SLC7A6: variants seen among roughly 807,000 people sequenced by gnomAD.
The protein encoded by SLC7A6 is solute carrier family 7 member 6.
Under a neutral mutation model 46.6 loss-of-function variants are expected in SLC7A6, and 29 were observed. That is an observed-to-expected ratio of 0.62 (90% CI 0.46 to 0.85). The LOEUF (loss-of-function observed/expected upper bound fraction) is 0.85, where lower values mean the gene tolerates loss of function less well. Among genes scored for constraint, SLC7A6 ranks in the 40% least tolerant of loss-of-function variants. The pLI is 0.00. For synonymous variants in SLC7A6, 276 were observed against 257.3 expected, an observed-to-expected ratio of 1.07 and a Z score of -0.70; for missense variants, 527 against 647.6, an observed-to-expected ratio of 0.81 and a Z score of 2.02.
At position 68,297,434 on chromosome 16, in the gene SLC7A6, C is replaced by G. The variant is rs2043192799; in HGVS notation, c.*106C>G. The G allele has an allele frequency of 1.1e-6, 1 of 921,834 alleles. No homozygotes were observed. Among genetic ancestry groups the G allele is most frequent in the Non-Finnish European group, 1.7e-6 (1 of 599,640 alleles). The allele number at this position is 921,834 out of a possible 1,614,324, so 57.1% of individuals were successfully genotyped here. ...TCCTGAATTAAAGGAGCCTTTTGACCCAATCATATAGTGGGGCTCAGGGCC... is the reference window on the plus strand; with the variant it reads ...TCCTGAATTAAAGGAGCCTTTTGACGCAATCATATAGTGGGGCTCAGGGCC... On this transcript the variant is annotated 3_prime_UTR_variant, in exon 11 of 11. Coordinates refer to ENST00000219343, the MANE Select transcript of SLC7A6 (RefSeq NM_003983.6).
chr16:68,294,536 G>T (rs55710496), intron 7 of SLC7A6, 169 bp from the exon 8 acceptor site: 36 of 600,106 alleles, frequency 6.0e-5, no homozygotes, highest in African/African-American at 2.4e-4. Flanking sequence ...TGTAGGGAAG[G>T]GGGGAGCAGG....
rs750609734 is a variant in SLC7A6, at chr16:68,294,845, T to C, written c.1119+44T>C. 1.3e-5 allele frequency: 17 copies of C among 1,325,254 alleles called. No individual in the cohort carries two copies. The East Asian group carries it at 3.9e-4, about 31-fold the overall frequency. The allele number at this position is 1,325,254 out of a possible 1,614,324, so 82.1% of individuals were successfully genotyped here. The stretch of plus-strand genomic sequence containing the variant: ...ACGGGGCTCAGGTGGATCTGTGCAT[T>C]GCTCCTTCTGATTTGTGCTAAGTTG... On this transcript the variant is annotated intron_variant, in intron 8 of 10. Coordinates refer to ENST00000219343, the MANE Select transcript of SLC7A6 (RefSeq NM_003983.6).
chr16:68,301,325 C>T lies in SLC7A6; in HGVS notation c.*3997C>T, dbSNP rs915950236. ...CTGTCATAGCCGAACTCCTTCTGCA[C>T]ATCCAGAGGGTACTTGCTCCACATC... On this transcript the variant is annotated 3_prime_UTR_variant, in exon 11 of 11. Transcript: ENST00000219343. 6.2e-7 allele frequency: 1 copy of T among 1,614,186 alleles called. No individual in the cohort carries two copies. The highest frequency in any genetic ancestry group is 8.5e-7 in the Non-Finnish European group (1 of 1,180,028).
At position 68,291,889 on chromosome 16, in the gene SLC7A6, T is replaced by G. The variant is rs1237847224; in HGVS notation, c.1022+228T>G. ...TTCCATCTGAGGTGAGGACAGATTG[T>G]GTGCTGATAGCTCATGTTATGTGTT... On this transcript the variant is annotated intron_variant, in intron 7 of 10. Transcript: ENST00000219343. 4 of 521,674 alleles carry G rather than the reference T, an allele frequency of 7.7e-6. No individual in the cohort carries two copies. In the East Asian group the frequency reaches 9.5e-5, roughly 12 times the overall value. 32.3% of individuals were successfully genotyped at this position (521,674 alleles called of 1,614,324 possible). A position where few individuals can be genotyped will look rare whatever the true frequency, so the allele number is the denominator to read the frequency against.
In SLC7A6 at chr16:68,275,172, A is replaced by T; in HGVS notation, c.446A>T (p.Asn149Ile). Reference sequence around the variant, plus strand: ...GCCATCATCGCCATCACCTTTGCCAACTACATCATCCAGCCGTCCTTCCCC... The same window carrying T: ...GCCATCATCGCCATCACCTTTGCCATCTACATCATCCAGCCGTCCTTCCCC... The part of the protein sequence containing the change: ...GQAIIAITFA[N>I]YIIQPSFPSC... Residue 149 changes from asparagine (N) to isoleucine (I), a missense_variant, in exon 3 of 11, where the codon AAC becomes ATC. By Grantham distance (149) the Asn-to-Ile change is moderately radical. Coordinates refer to ENST00000219343, the MANE Select transcript of SLC7A6 (RefSeq NM_003983.6). 1 of 1,613,510 alleles carries T rather than the reference A, an allele frequency of 6.2e-7. No individual in the cohort carries two copies. Among genetic ancestry groups the T allele is most frequent in the Non-Finnish European group, 8.5e-7 (1 of 1,179,984 alleles).
At position 68,297,281 on chromosome 16, in the gene SLC7A6, G is replaced by A. The variant is rs751163038; in HGVS notation, c.1501G>A (p.Glu501Lys). ...TQQLCFCVLT[E>K]LDVAEEKKDE... is the part of the protein sequence containing the mutation. ...GCAGCTTTGCTTTTGTGTCCTGACT[G>A]AGCTTGATGTAGCCGAAGAAAAAAA... The change falls in exon 11 of 11, where the codon GAG (glutamate) becomes AAG (lysine). Residue 501 changes from glutamate (E) to lysine (K), a missense_variant. Coordinates refer to ENST00000219343, the MANE Select transcript of SLC7A6 (RefSeq NM_003983.6). 1.2e-6 allele frequency: 2 copies of A among 1,614,020 alleles called. No individual in the cohort carries two copies. Among genetic ancestry groups the A allele is most frequent in the African/African-American group, 2.7e-5 (2 of 74,910 alleles).
At chr16:68,278,198 G>A (rs1419849874) in intron 3 of SLC7A6, among the ~76,000 whole-genome samples, 1 of 149,962 alleles carries the variant, frequency 6.7e-6, no homozygotes, top group Admixed American at 6.6e-5. Context: ...CTCGTGATCC[G>A]CCTGCTTTGG....
chr16:68,274,813 C>T lies in SLC7A6; in HGVS notation c.87C>T (p.Ser29=). ...TSQSQVEEDV[S]SPPQRSSETM... is the part of the protein sequence containing the mutation. ...AGTCCCAGGTGGAAGAAGATGTCAG[C>T]TCGCCACCTCAAAGGTCCTCCGAAA... The change falls in exon 3 of 11, where the codon AGC becomes AGT. Residue 29 remains serine (S), a synonymous_variant. Transcript: ENST00000219343. The T allele has an allele frequency of 1.9e-6, 3 of 1,614,228 alleles. No individual in the cohort carries two copies. The highest frequency in any genetic ancestry group is 2.5e-6 in the Non-Finnish European group (3 of 1,180,050).
rs1170388621 is a variant in SLC7A6, at chr16:68,299,667, GCA to G, written c.*2342_*2343del. 1 of 152,182 alleles carries G rather than the reference GCA, an allele frequency of 6.6e-6. No individual in the cohort carries two copies. The highest frequency in any genetic ancestry group is 1.5e-5 in the Non-Finnish European group (1 of 68,046). The allele number at this position is 152,182 out of a possible 1,614,324, so 9.4% of individuals were successfully genotyped here. On this transcript the variant is annotated 3_prime_UTR_variant, in exon 11 of 11. Transcript: ENST00000219343. The stretch of plus-strand genomic sequence containing the variant: ...AAATAGCAGGGAGCACATTGTAACA[GCA>G]CAGTGTTTTGTTTTTTTCACCCGGT...
chr16:68,289,759 G>T (rs975804996), intron 4 of SLC7A6, among the ~76,000 whole-genome samples: 1 of 152,138 alleles, frequency 6.6e-6, no homozygotes, highest in African/African-American at 2.4e-5. Context: ...CCGGAGGGTG[G>T]GGGTGGCTCA....
chr16:68,300,415 CTGT>C lies in SLC7A6; in HGVS notation c.*3090_*3092del, dbSNP rs2043249355. 1 of 158,622 alleles carries C rather than the reference CTGT, an allele frequency of 6.3e-6. No homozygotes were observed. Among genetic ancestry groups the C allele is most frequent in the African/African-American group, 2.4e-5 (1 of 41,530 alleles). 9.8% of individuals were successfully genotyped at this position (158,622 alleles called of 1,614,324 possible). A position where few individuals can be genotyped will look rare whatever the true frequency, so the allele number is the denominator to read the frequency against. On this transcript the variant is annotated 3_prime_UTR_variant, in exon 11 of 11. Coordinates refer to ENST00000219343, the MANE Select transcript of SLC7A6 (RefSeq NM_003983.6). Reference sequence around the variant, plus strand: ...ATACAAGTTGTTAATAAAATTGATCCTGTTGATAGTAGTTTGTTTTTGTGGTGG... The same window carrying C: ...ATACAAGTTGTTAATAAAATTGATCCTGATAGTAGTTTGTTTTTGTGGTGG...
In SLC7A6 at chr16:68,275,050, G is replaced by A. The variant is rs200109087; in HGVS notation, c.324G>A (p.Ser108=). ...YAELGTTITK[S]GASYAYILEA... is the part of the protein sequence containing the mutation. ...AGCTGGGGACCACCATCACCAAGTCGGGAGCCAGCTACGCTTATATTCTAG... is the reference window on the plus strand; with the variant it reads ...AGCTGGGGACCACCATCACCAAGTCAGGAGCCAGCTACGCTTATATTCTAG... The change falls in exon 3 of 11, where the codon TCG becomes TCA. Residue 108 remains serine (S), a synonymous_variant. Transcript: ENST00000219343. 23 of 1,614,176 alleles carry A rather than the reference G, an allele frequency of 1.4e-5. No individual in the cohort carries two copies. The highest frequency in any genetic ancestry group is 1.5e-5 in the Non-Finnish European group (18 of 1,180,032).
At chr16:68,296,982 T>A (rs999511357) in intron 10 of SLC7A6, among the ~76,000 whole-genome samples, 172 bp downstream of exon 10, 1 of 152,204 alleles carries the variant, frequency 6.6e-6, no homozygotes, top group Admixed American at 6.6e-5. Flanking sequence ...CTAATTTTAG[T>A]GTCCTATTTT....
rs756774652 is a variant in SLC7A6 at position 68,297,283 on chromosome 16, G to C, written c.1503G>C (p.Glu501Asp). The C allele has an allele frequency of 2.2e-5, 35 of 1,614,070 alleles. No individual in the cohort carries two copies. The highest frequency in any genetic ancestry group is 2.7e-5 in the African/African-American group (2 of 74,924). ...TQQLCFCVLT[E>D]LDVAEEKKDE... ...AGCTTTGCTTTTGTGTCCTGACTGA[G>C]CTTGATGTAGCCGAAGAAAAAAAGG... Residue 501 changes from glutamate to aspartate, a missense_variant, in exon 11 of 11, where the codon GAG becomes GAC. Glu to Asp is a conservative substitution (Grantham distance 45). Coordinates refer to ENST00000219343, the MANE Select transcript of SLC7A6 (RefSeq NM_003983.6).
Position 68,274,742 on chromosome 16 carries a change from C to A in SLC7A6, c.16C>A (p.Pro6Thr), listed in dbSNP as rs1394043445. 4.3e-6 allele frequency: 7 copies of A among 1,614,070 alleles called. No homozygotes were observed. Among genetic ancestry groups the A allele is most frequent in the South Asian group, 3.3e-5 (3 of 91,084 alleles). Reference sequence around the variant, plus strand: ...ACCGTTTGTCATGGAAGCCAGGGAGCCTGGGAGGCCCACACCCACCTACCA... The same window carrying A: ...ACCGTTTGTCATGGAAGCCAGGGAGACTGGGAGGCCCACACCCACCTACCA... MEARE[P>T]GRPTPTYHLV... Residue 6 changes from proline (P) to threonine (T), a missense_variant, in exon 3 of 11, where the codon CCT becomes ACT. By Grantham distance (38) the Pro-to-Thr change is conservative. Coordinates refer to ENST00000219343, the MANE Select transcript of SLC7A6 (RefSeq NM_003983.6).
At chr16:68,280,078 G>A (rs745903762) in intron 3 of SLC7A6, among the ~76,000 whole-genome samples, 2 of 152,256 alleles carry the variant, frequency 1.3e-5, no homozygotes, top group Non-Finnish European at 2.9e-5. Context: ...TTTCAACAGA[G>A]CTAGGATATG....
chr16:68,294,786 T>G lies in SLC7A6; in HGVS notation c.1104T>G (p.Pro368=). 1.2e-6 allele frequency: 2 copies of G among 1,613,410 alleles called. No individual in the cohort carries two copies. Among genetic ancestry groups the G allele is most frequent in the Non-Finnish European group, 8.5e-7 (1 of 1,179,316 alleles). ...MIHIERFTPI[P]ALLFNCTMAL... ...ACATTGAGCGTTTTACACCTATCCC[T>G]GCTTTACTGTTCAATGTAAGCTTTG... is the stretch of plus-strand genomic sequence containing the variant. The change falls in exon 8 of 11, where the codon CCT becomes CCG. Residue 368 remains proline (P), a synonymous_variant. Coordinates refer to ENST00000219343, the MANE Select transcript of SLC7A6 (RefSeq NM_003983.6).
rs769618978 is a variant in SLC7A6, at chr16:68,296,483, G to C, written c.1239G>C (p.Trp413Cys). Residue 413 changes from tryptophan (W) to cysteine (C), a missense_variant, in exon 9 of 11, where the codon TGG becomes TGC. Physicochemically the swap from Trp to Cys is radical, Grantham distance 215. Coordinates refer to ENST00000219343, the MANE Select transcript of SLC7A6 (RefSeq NM_003983.6). ...TTGTTGGACAGCTCTACCTCCGCTG[G>C]AAGGAGCCCAAGCGGCCCCGGCCTC... ...LSVVGQLYLR[W>C]KEPKRPRPLK... The C allele has an allele frequency of 2.5e-6, 4 of 1,614,046 alleles. No individual in the cohort carries two copies. The highest frequency in any genetic ancestry group is 1.1e-5 in the South Asian group (1 of 91,082).
In SLC7A6 at chr16:68,276,136, T is replaced by C. The variant is rs148481157; in HGVS notation, c.523+887T>C. ...AGCAGCAGGTACAACAAAACACCTT[T>C]TCTTCCTAGTGTATCAGACTTCTTT... On this transcript the variant is annotated intron_variant, in intron 3 of 10. Coordinates refer to ENST00000219343, the MANE Select transcript of SLC7A6 (RefSeq NM_003983.6). Among the ~76,000 whole-genome samples the C allele has an allele frequency of 1.8e-3, 278 of 152,318 alleles. 2 individuals carry two copies. Among genetic ancestry groups the C allele is most frequent in the African/African-American group, 6.1e-3 (255 of 41,572 alleles).
Sources: gnomAD v4.1 joint callset for allele counts (sites outside exome capture counted in the v4.1 genomes callset) on GRCh38, gnomAD v4.1.1 for gene constraint, MANE v1.5 for transcripts, NCBI Gene and HGNC (gene_info 2026-07-23, HGNC 2026-07-21) for gene names.